The following CACHD1 variants were observed in gnomAD, a reference collection of about 807,000 sequenced individuals.
CACHD1 encodes VWFA and cache domain-containing protein 1.
A neutral mutation model predicts 138.7 loss-of-function variants in CACHD1; 71 were observed. That is an observed-to-expected ratio of 0.51 (90% CI 0.42 to 0.62). The LOEUF (loss-of-function observed/expected upper bound fraction) is 0.62. Ranked by LOEUF, CACHD1 falls within the 20% of genes least tolerant of loss-of-function variation. The pLI is 0.00. For synonymous variants in CACHD1, 578 were observed against 591.5 expected (o/e 0.98, Z 0.33); for missense variants, 1,389 against 1,625.3 (o/e 0.85, Z 2.50).
At position 64,679,701 on chromosome 1, in the gene CACHD1, C is replaced by T; in HGVS notation, c.3351C>T (p.Tyr1117=). Residue 1117 remains tyrosine (Y), a synonymous_variant, in exon 24 of 27, where the codon TAC becomes TAT. Coordinates refer to ENST00000651257, the MANE Select transcript of CACHD1 (RefSeq NM_020925.4). ...IMVLVLAVYA[Y]RHQIHRRSHQ... is the part of the protein sequence containing the mutation. ...TCTTGGTCCTGGCGGTGTATGCCTA[C>T]CGCCACCAGATTCATCGCCGGAGCC... is the stretch of plus-strand genomic sequence containing the variant. 1 of 1,614,164 alleles carries T rather than the reference C, an allele frequency of 6.2e-7. No homozygotes were observed. The highest frequency in any genetic ancestry group is 8.5e-7 in the Non-Finnish European group (1 of 1,180,034).
intron 1 of CACHD1, among the ~76,000 whole-genome samples, chr1:64,498,352 C>T (rs1033123915): frequency 6.6e-6 from 1 of 152,118 alleles, no homozygotes; most frequent in Non-Finnish European, 1.5e-5. Context: ...TTTCACTATT[C>T]GAAACTGAAA....
chr1:64,530,937 T>C (rs1163034880), intron 1 of CACHD1, among the ~76,000 whole-genome samples: 2 of 149,068 alleles, frequency 1.3e-5, no homozygotes, highest in Admixed American at 6.7e-5. Flanking sequence ...TTTTTTGTTT[T>C]TTTTTTTTTT....
At chr1:64,585,099 T>C (rs1647041810) in intron 3 of CACHD1, among the ~76,000 whole-genome samples, 1 of 152,146 alleles carries the variant, frequency 6.6e-6, no homozygotes, top group Non-Finnish European at 1.5e-5. Context: ...TTTCTAGCAA[T>C]AGAGGATTAG....
chr1:64,520,563 A>C (rs1646490898), intron 1 of CACHD1, among the ~76,000 whole-genome samples: 1 of 152,128 alleles, frequency 6.6e-6, no homozygotes, highest in South Asian at 2.1e-4. Flanking sequence ...GCAATATCTC[A>C]TTACCTATAC....
intron 4 of CACHD1, among the ~76,000 whole-genome samples, chr1:64,629,068 A>C (rs1457982334): frequency 6.6e-6 from 1 of 152,188 alleles, no homozygotes. Context: ...GTGCAGGGAG[A>C]GATTAATGCA....
intron 4 of CACHD1, among the ~76,000 whole-genome samples, chr1:64,625,590 G>A (rs1648068048): frequency 6.6e-6 from 1 of 150,808 alleles, no homozygotes; most frequent in Non-Finnish European, 1.5e-5. Flanking sequence ...TTGCACCACT[G>A]CACTCCAGCC....
chr1:64,651,661 T>C (rs1297809044), intron 9 of CACHD1, among the ~76,000 whole-genome samples: 1 of 152,068 alleles, frequency 6.6e-6, no homozygotes, highest in East Asian at 1.9e-4. Flanking sequence ...TCTCGAAATA[T>C]TAAAATTAAA....
chr1:64,533,129 G>T (rs574162435), intron 1 of CACHD1, among the ~76,000 whole-genome samples: 1 of 152,202 alleles, frequency 6.6e-6, no homozygotes, highest in Non-Finnish European at 1.5e-5. Context: ...TCCGAGGCGG[G>T]TGAATTGCTT....
At chr1:64,529,481 T>G (rs1488796857) in intron 1 of CACHD1, among the ~76,000 whole-genome samples, 1 of 152,246 alleles carries the variant, frequency 6.6e-6, no homozygotes, top group Non-Finnish European at 1.5e-5. Flanking sequence ...ATTTTCCTTC[T>G]TTTGCTACTA....
At chr1:64,531,343 A>G (rs781693538) in intron 1 of CACHD1, among the ~76,000 whole-genome samples, 1 of 152,204 alleles carries the variant, frequency 6.6e-6, no homozygotes, top group Non-Finnish European at 1.5e-5. Context: ...GGATTCTTCC[A>G]GGTTTCTTGA....
intron 7 of CACHD1, among the ~76,000 whole-genome samples, chr1:64,640,187 G>A (rs1367133836): frequency 1.3e-5 from 2 of 152,114 alleles, no homozygotes; most frequent in Non-Finnish European, 2.9e-5. Flanking sequence ...CCACACTCAA[G>A]GGAGGCAGCT....
chr1:64,594,600 G>GC (rs1647135167), intron 3 of CACHD1, among the ~76,000 whole-genome samples: 1 of 152,222 alleles, frequency 6.6e-6, no homozygotes, highest in South Asian at 2.1e-4. Context: ...TGGATCTGCT[G>GC]AGAATCTAGC....
rs568644875 is a variant in CACHD1 at position 64,667,538 on chromosome 1, A to G, written c.2387+1371A>G. Among the ~76,000 whole-genome samples the G allele has an allele frequency of 2.6e-5, 4 of 152,372 alleles. No individual in the cohort carries two copies. The East Asian group carries it at 7.7e-4, about 29-fold the overall frequency. On this transcript the variant is annotated intron_variant, in intron 16 of 26. Transcript: ENST00000651257. Reference sequence around the variant, plus strand: ...TATGCAAACAAGTAAACACTTACTTAGAACACATCCCTCAGTGTTCTCATT... The same window carrying G: ...TATGCAAACAAGTAAACACTTACTTGGAACACATCCCTCAGTGTTCTCATT...
At chr1:64,471,213 G>A (rs1557452571) in intron 1 of CACHD1, among the ~76,000 whole-genome samples, 1 of 152,168 alleles carries the variant, frequency 6.6e-6, no homozygotes. Context: ...CCTCTTCTGA[G>A]TACCAGCGCC....
intron 2 of CACHD1, among the ~76,000 whole-genome samples, chr1:64,553,017 A>G (rs935056841): frequency 6.6e-6 from 1 of 152,200 alleles, no homozygotes; most frequent in Non-Finnish European, 1.5e-5. Flanking sequence ...AGAACACTTA[A>G]CAAATAGATC....
chr1:64,637,019 C>T (rs1047892641), intron 7 of CACHD1, among the ~76,000 whole-genome samples: 5 of 152,090 alleles, frequency 3.3e-5, no homozygotes, highest in Non-Finnish European at 5.9e-5. Context: ...GGTGGCTGAG[C>T]GTAAAGTTGC....
intron 26 of CACHD1, among the ~76,000 whole-genome samples, chr1:64,691,092 G>A (rs922914557): frequency 1.3e-5 from 2 of 151,792 alleles, no homozygotes; most frequent in African/African-American, 2.4e-5. Flanking sequence ...TTTCTCAGCT[G>A]TCTGAAGTGG....
At chr1:64,635,687 T>C (rs1008124873) in intron 7 of CACHD1, among the ~76,000 whole-genome samples, 4 of 151,820 alleles carry the variant, frequency 2.6e-5, no homozygotes, top group African/African-American at 7.3e-5. Flanking sequence ...GGCCTCTAAT[T>C]TAATTTTTAT....
chr1:64,634,370 T>TGATG (rs1553141272), intron 7 of CACHD1, 110 bp downstream of exon 7: 2 of 367,408 alleles, frequency 5.4e-6, no homozygotes, highest in South Asian at 1.5e-4. Context: ...ATTTATTTAT[T>TGATG]TATGTATGTA....
Sources: gnomAD v4.1 joint callset for allele counts (sites outside exome capture counted in the v4.1 genomes callset) on GRCh38, gnomAD v4.1.1 for gene constraint, MANE v1.5 for transcripts, NCBI Gene and HGNC (gene_info 2026-07-23, HGNC 2026-07-21) for gene names.